Variants in GALNT13 observed in about 807,000 individuals in gnomAD.
The protein encoded by GALNT13 is UDP-GalNAc:polypeptide N-acetylgalactosaminyltransferase 13.
Under a neutral mutation model 64.2 loss-of-function variants are expected in GALNT13, and 28 were observed. The ratio of observed to expected loss-of-function variants is 0.44; its 90% CI spans 0.32 to 0.60. The LOEUF (loss-of-function observed/expected upper bound fraction) is 0.60, where lower values mean the gene tolerates loss of function less well. GALNT13 is among the 20% of genes least tolerant of loss of function. The pLI, the probability that GALNT13 is intolerant of heterozygous loss-of-function variation, is 0.05. For missense variants in GALNT13, 577 were observed against 669.8 expected, an observed-to-expected ratio of 0.86 and a Z score of 1.53; for synonymous variants, 214 against 224.6, an observed-to-expected ratio of 0.95 and a Z score of 0.42.
chr2:153,731,616 A>C, the GALNT13 span, among the ~76,000 whole-genome samples: 1 of 152,124 alleles, frequency 6.6e-6, no homozygotes, highest in Admixed American at 6.6e-5. Flanking sequence ...CAGGACTATA[A>C]ATATAGGATT....
At chr2:153,321,136 A>C in the GALNT13 span, among the ~76,000 whole-genome samples, 1 of 152,210 alleles carries the variant, frequency 6.6e-6, no homozygotes, top group Non-Finnish European at 1.5e-5. Context: ...AGAATTGTTA[A>C]AGATGTTTTA....
At chr2:153,250,293 C>T in the GALNT13 span, among the ~76,000 whole-genome samples, 2 of 152,196 alleles carry the variant, frequency 1.3e-5, no homozygotes, top group Non-Finnish European at 2.9e-5. Context: ...AGCTCATCAT[C>T]GCTGGTCATT....
rs528385031 is a variant in GALNT13, at chr2:154,402,372, G to T, written c.1296+6242G>T. 5.1e-4 allele frequency among the ~76,000 whole-genome samples: 77 copies of T among 152,260 alleles called. 1 individual carries two copies. Among genetic ancestry groups the T allele is most frequent in the African/African-American group, 1.7e-3 (71 of 41,560 alleles). On this transcript the variant is annotated intron_variant, in intron 10 of 12. Transcript: ENST00000392825. Reference sequence around the variant, plus strand: ...AAGTGATACGAACACTACCAATGATGCTGCAATGCACAGAAACATTTAGAA... The same window carrying T: ...AAGTGATACGAACACTACCAATGATTCTGCAATGCACAGAAACATTTAGAA...
chr2:153,857,390 T>C, the GALNT13 span, among the ~76,000 whole-genome samples: 3 of 152,152 alleles, frequency 2.0e-5, no homozygotes, highest in Non-Finnish European at 2.9e-5. Flanking sequence ...ATTCATGTTT[T>C]AAGGAAGGGA....
chr2:154,116,311 C>T (rs140412921), intron 3 of GALNT13, among the ~76,000 whole-genome samples: 1 of 152,174 alleles, frequency 6.6e-6, no homozygotes, highest in Admixed American at 6.5e-5. Flanking sequence ...AATGCCCTCA[C>T]TTTAACAGTA....
At chr2:153,487,693 TAGG>T in the GALNT13 span, among the ~76,000 whole-genome samples, 1 of 152,086 alleles carries the variant, frequency 6.6e-6, no homozygotes, top group African/African-American at 2.4e-5. Flanking sequence ...GAAGGATAAA[TAGG>T]AGACAGCTAG....
At chr2:153,413,516 A>C in the GALNT13 span, among the ~76,000 whole-genome samples, 3 of 152,144 alleles carry the variant, frequency 2.0e-5, no homozygotes, top group African/African-American at 4.8e-5. Context: ...TTTAGCATTG[A>C]CTAATTTCAT....
At chr2:154,138,370 T>A (rs1469826204) in intron 3 of GALNT13, among the ~76,000 whole-genome samples, 1 of 152,044 alleles carries the variant, frequency 6.6e-6, no homozygotes, top group African/African-American at 2.4e-5. Context: ...GAAGGTTTTG[T>A]TCCCCTACAA....
rs141417446 is a variant in GALNT13 at position 154,016,558 on chromosome 2, C to G, written c.142+71919C>G. 4.5e-4 allele frequency among the ~76,000 whole-genome samples: 69 copies of G among 152,230 alleles called. No individual in the cohort carries two copies. The Middle Eastern group carries it at 0.01, about 23-fold the overall frequency. On this transcript the variant is annotated intron_variant, in intron 3 of 12. Transcript: ENST00000392825. ...TCAGCCTCCCCAGTAGGTGGGACTA[C>G]AGTCATGCGCCACCATGCCTGGCTA...
intron 3 of GALNT13, among the ~76,000 whole-genome samples, chr2:154,037,877 G>A (rs1262591460): frequency 6.6e-6 from 1 of 152,080 alleles, no homozygotes; most frequent in Non-Finnish European, 1.5e-5. Context: ...AAGATGACTA[G>A]GCACAGTGGC....
At chr2:153,820,585 C>T in the GALNT13 span, among the ~76,000 whole-genome samples, 1 of 151,874 alleles carries the variant, frequency 6.6e-6, no homozygotes, top group Non-Finnish European at 1.5e-5. Flanking sequence ...AGCATTCACA[C>T]AAAAAAAGAA....
intron 4 of GALNT13, among the ~76,000 whole-genome samples, chr2:154,213,023 T>C (rs767683311): frequency 5.3e-5 from 8 of 152,184 alleles, no homozygotes; most frequent in Non-Finnish European, 1.0e-4. Flanking sequence ...TTTTAGAATT[T>C]GACTTAAAAA....
the GALNT13 span, among the ~76,000 whole-genome samples, chr2:153,267,520 T>C: frequency 6.6e-6 from 1 of 152,140 alleles, no homozygotes; most frequent in South Asian, 2.1e-4. Context: ...TCTAAAGCAA[T>C]AGCCCAAGCT....
At chr2:154,101,613 C>G (rs1411938621) in intron 3 of GALNT13, among the ~76,000 whole-genome samples, 1 of 151,968 alleles carries the variant, frequency 6.6e-6, no homozygotes, top group East Asian at 1.9e-4. Context: ...CTTTCAATTT[C>G]ATTAATCTTA....
At chr2:154,191,601 C>CT (rs1252640782) in intron 4 of GALNT13, among the ~76,000 whole-genome samples, 3 of 152,128 alleles carry the variant, frequency 2.0e-5, no homozygotes, top group Non-Finnish European at 4.4e-5. Context: ...TGGAGAGATG[C>CT]TTAACTGATG....
intron 10 of GALNT13, among the ~76,000 whole-genome samples, chr2:154,401,622 T>G (rs1699307745): frequency 6.6e-6 from 1 of 152,168 alleles, no homozygotes; most frequent in Admixed American, 6.5e-5. Context: ...TTCATATTTC[T>G]AATAAACTAA....
intron 3 of GALNT13, among the ~76,000 whole-genome samples, chr2:154,089,812 C>CTT (rs58287232): frequency 0.012 from 1,735 of 140,956 alleles, 35 homozygotes; most frequent in African/African-American, 0.043. Context: ...AGATATTACC[C>CTT]TTTTTTTTTT....
At chr2:154,167,155 AAAAT>A (rs141581120) in intron 4 of GALNT13, among the ~76,000 whole-genome samples, 3 of 152,286 alleles carry the variant, frequency 2.0e-5, no homozygotes, top group Admixed American at 6.5e-5. Context: ...ATTAAAAAGA[AAAAT>A]AAATAAATAA....
At chr2:153,240,895 T>C in the GALNT13 span, among the ~76,000 whole-genome samples, 1 of 152,098 alleles carries the variant, frequency 6.6e-6, no homozygotes, top group Non-Finnish European at 1.5e-5. Flanking sequence ...GTGTCTGTCT[T>C]AGTTCAGATC....
Sources: gnomAD v4.1 joint callset for allele counts (sites outside exome capture counted in the v4.1 genomes callset) on GRCh38, gnomAD v4.1.1 for gene constraint, MANE v1.5 for transcripts, NCBI Gene and HGNC (gene_info 2026-07-23, HGNC 2026-07-21) for gene names.